The following LIN52 variants were observed in gnomAD, a reference collection of about 807,000 sequenced individuals.
The protein encoded by LIN52 is protein lin-52 homolog.
A neutral mutation model predicts 18.5 loss-of-function variants in LIN52; 4 were observed. The ratio of observed to expected loss-of-function variants is 0.22; its 90% confidence interval spans 0.11 to 0.49. The LOEUF is 0.49. Among genes scored for constraint, LIN52 ranks in the 20% least tolerant of loss-of-function variants. LIN52 has a pLI of 0.97. For synonymous variants in LIN52, 34 were observed against 45.5 expected (o/e 0.75, Z 1.02); for missense variants, 102 against 139.5 (o/e 0.73, Z 1.35).
chr14:74,116,747 G>A (rs2139914580), intron 5 of LIN52, among the ~76,000 whole-genome samples: 1 of 149,908 alleles, frequency 6.7e-6, no homozygotes, highest in African/African-American at 2.4e-5. Context: ...GCACTAAAGG[G>A]CATTTCATGA....
chr14:74,156,171 A>G (rs2061198231), intron 5 of LIN52, among the ~76,000 whole-genome samples: 1 of 152,210 alleles, frequency 6.6e-6, no homozygotes, highest in African/African-American at 2.4e-5. Context: ...AAGCCAGGTA[A>G]AGTCATATTA....
chr14:74,131,775 G>A (rs1416833892), intron 5 of LIN52, among the ~76,000 whole-genome samples: 1 of 152,120 alleles, frequency 6.6e-6, no homozygotes, highest in Non-Finnish European at 1.5e-5. Context: ...GTCCTTGTCT[G>A]TTTTTCTGTT....
At chr14:74,128,570 T>G (rs760462904) in intron 5 of LIN52, among the ~76,000 whole-genome samples, 6 of 152,220 alleles carry the variant, frequency 3.9e-5, no homozygotes, top group Non-Finnish European at 7.3e-5. Flanking sequence ...GGAATACATC[T>G]GTCAAAACAT....
At chr14:74,135,127 T>C (rs1328208260) in intron 5 of LIN52, among the ~76,000 whole-genome samples, 2 of 152,128 alleles carry the variant, frequency 1.3e-5, no homozygotes, top group Admixed American at 1.3e-4. Context: ...TGCAGTGGCG[T>C]GATCTCTGCT....
intron 5 of LIN52, among the ~76,000 whole-genome samples, chr14:74,110,417 G>A (rs1480788320): frequency 6.6e-6 from 1 of 152,118 alleles, no homozygotes. Flanking sequence ...GGTGGCTCAC[G>A]CTTGTAATCC....
intron 5 of LIN52, among the ~76,000 whole-genome samples, chr14:74,103,563 G>T (rs966921989): frequency 1.3e-5 from 2 of 150,682 alleles, no homozygotes; most frequent in African/African-American, 4.9e-5. Context: ...CTCCTGAGTA[G>T]CTGGGATTAC....
chr14:74,101,311 A>ATTC (rs2060853722), intron 5 of LIN52, 73 bp downstream of exon 5: 1 of 970,134 alleles, frequency 1.0e-6, no homozygotes, highest in African/African-American at 1.7e-5. Flanking sequence ...GAGCTCAGGT[A>ATTC]TTCCACCCTG....
chr14:74,089,370 A>AT (rs71460953), intron 1 of LIN52, among the ~76,000 whole-genome samples: 34,018 of 142,296 alleles, frequency 0.24, 4,093 homozygotes, highest in South Asian at 0.39. Context: ...TTAAGTGGGG[A>AT]TTTTTTTTTT....
intron 5 of LIN52, among the ~76,000 whole-genome samples, chr14:74,175,751 C>CACACACACACACACACA (rs778907221): frequency 1.5e-5 from 2 of 130,186 alleles, no homozygotes; most frequent in African/African-American, 7.4e-5. Flanking sequence ...CACACACACA[C>CACACACACACACACACA]CCCCATTATA....
intron 3 of LIN52, among the ~76,000 whole-genome samples, chr14:74,097,425 C>CTTTTT (rs35249058): frequency 3.7e-5 from 5 of 133,558 alleles, no homozygotes; most frequent in Non-Finnish European, 4.7e-5. Flanking sequence ...TTTTCTTTTT[C>CTTTTT]TTTTTTTTTT....
At chr14:74,109,315 C>T (rs2060913884) in intron 5 of LIN52, among the ~76,000 whole-genome samples, 1 of 152,158 alleles carries the variant, frequency 6.6e-6, no homozygotes, top group African/African-American at 2.4e-5. Flanking sequence ...GAGACTCCAT[C>T]TCTACAAAAA....
chr14:74,137,498 C>CTTTTTTTTTTTTTTTTTTTTTTTTT (rs71460959), intron 5 of LIN52, among the ~76,000 whole-genome samples: 1 of 111,624 alleles, frequency 9.0e-6, no homozygotes, highest in African/African-American at 3.7e-5. Flanking sequence ...CAGCAGCTCT[C>CTTTTTTTTTTTTTTTTTTTTTTTTT]TTTTTTTTTT....
At chr14:74,153,893 A>G (rs1184363864) in intron 5 of LIN52, among the ~76,000 whole-genome samples, 1 of 152,200 alleles carries the variant, frequency 6.6e-6, no homozygotes, top group East Asian at 1.9e-4. Context: ...CATAAAAATT[A>G]TTTGTGTTTT....
intron 5 of LIN52, among the ~76,000 whole-genome samples, chr14:74,143,395 C>A (rs12883476): frequency 6.6e-6 from 1 of 152,018 alleles, no homozygotes; most frequent in African/African-American, 2.4e-5. Flanking sequence ...CCAAAAAATA[C>A]CAATAAAATT....
chr14:74,114,274 A>T (rs1235222652), intron 5 of LIN52: 1 of 984,896 alleles, frequency 1.0e-6, no homozygotes, highest in African/African-American at 1.8e-5. Context: ...GTGTCATTAA[A>T]AGTTCTACCA....
chr14:74,184,468 T>C (rs969897398), intron 5 of LIN52, among the ~76,000 whole-genome samples: 1 of 152,226 alleles, frequency 6.6e-6, no homozygotes, highest in African/African-American at 2.4e-5. Context: ...GATAATGGAT[T>C]GGGTTTGGAT....
chr14:74,137,568 A>G (rs570535793), intron 5 of LIN52, among the ~76,000 whole-genome samples: 2 of 139,884 alleles, frequency 1.4e-5, no homozygotes, highest in East Asian at 4.7e-4. Flanking sequence ...GCGCGATCTC[A>G]GCTCACCACA....
chr14:74,162,288 C>T (rs2061228780), intron 5 of LIN52, among the ~76,000 whole-genome samples: 1 of 151,720 alleles, frequency 6.6e-6, no homozygotes, highest in Non-Finnish European at 1.5e-5. Context: ...CTAGCGTGGC[C>T]AATATGGTGA....
intron 5 of LIN52, among the ~76,000 whole-genome samples, chr14:74,193,490 C>G (rs2078893223): frequency 6.6e-6 from 1 of 152,020 alleles, no homozygotes; most frequent in Admixed American, 6.6e-5. Context: ...CATTCTAAAA[C>G]CAACCAGTTT....
Sources: allele counts gnomAD v4.1 joint callset (sites outside exome capture counted in the v4.1 genomes callset), GRCh38; gene constraint gnomAD v4.1.1; transcripts MANE v1.5; gene names NCBI Gene and HGNC (gene_info 2026-07-23, HGNC 2026-07-21).